The following MLIP variants were observed in gnomAD, a reference collection of about 807,000 sequenced individuals.
MLIP encodes muscular LMNA interacting protein, also known as muscular LMNA-interacting protein.
MLIP carries 79 observed loss-of-function variants against 84.8 expected under a neutral mutation model. The observed-to-expected ratio is 0.93, with a 90% CI of 0.78 to 1.12. The LOEUF is 1.12. MLIP is among the 50% of genes most tolerant of loss of function. The pLI, the probability that MLIP is intolerant of heterozygous loss-of-function variation, is 0.00. For synonymous variants in MLIP, 504 were observed against 463.0 expected (o/e 1.09, Z -1.14); for missense variants, 1,257 against 1,160.6 (o/e 1.08, Z -1.21).
intron 8 of MLIP, among the ~76,000 whole-genome samples, chr6:54,165,295 C>T (rs1213099370): frequency 6.6e-6 from 1 of 151,902 alleles, no homozygotes; most frequent in African/African-American, 2.4e-5. Flanking sequence ...CTCCCTGCAC[C>T]TCTGCTTATG....
intron 9 of MLIP, among the ~76,000 whole-genome samples, chr6:54,178,892 GTAAATATCTA>G (rs1776572006): frequency 6.6e-6 from 1 of 152,182 alleles, no homozygotes; most frequent in African/African-American, 2.4e-5. Flanking sequence ...AAAATGTTCT[GTAAATATCTA>G]TTAGGTCTAT....
At chr6:54,105,643 T>G (rs1270247579) in intron 1 of MLIP, among the ~76,000 whole-genome samples, 1 of 152,062 alleles carries the variant, frequency 6.6e-6, no homozygotes, top group Non-Finnish European at 1.5e-5. Context: ...AAAAATAACA[T>G]GGGCTAAGAC....
chr6:54,183,009 A>G (rs1005003930), intron 9 of MLIP, among the ~76,000 whole-genome samples: 3 of 152,222 alleles, frequency 2.0e-5, no homozygotes, highest in African/African-American at 7.2e-5. Context: ...GAAAAATGTC[A>G]TTACAATGGA....
intron 13 of MLIP, among the ~76,000 whole-genome samples, chr6:54,265,165 C>A: frequency 6.6e-6 from 1 of 152,076 alleles, no homozygotes; most frequent in East Asian, 1.9e-4. Flanking sequence ...CTGGTCAGTT[C>A]CTCCATTGGT....
chr6:54,230,113 G>T (rs1780879481), intron 11 of MLIP, among the ~76,000 whole-genome samples: 1 of 152,110 alleles, frequency 6.6e-6, no homozygotes, highest in South Asian at 2.1e-4. Flanking sequence ...TGCACCACCA[G>T]TTTCTCTCCA....
chr6:54,201,170 C>T (rs887185706), intron 10 of MLIP, among the ~76,000 whole-genome samples: 1 of 152,182 alleles, frequency 6.6e-6, no homozygotes, highest in Non-Finnish European at 1.5e-5. Flanking sequence ...AACTAGAGTT[C>T]TCCTGCCTCT....
chr6:54,094,783 T>A (rs1201485615), intron 1 of MLIP, among the ~76,000 whole-genome samples: 1 of 152,090 alleles, frequency 6.6e-6, no homozygotes, highest in African/African-American at 2.4e-5. Context: ...ACTCAGAAAC[T>A]TAGCATCTGT....
At chr6:54,023,301 G>T (rs911677307) in intron 1 of MLIP, among the ~76,000 whole-genome samples, 1 of 151,596 alleles carries the variant, frequency 6.6e-6, no homozygotes, top group African/African-American at 2.4e-5. Context: ...TTGCTACCTT[G>T]AGTAAAAAAG....
At chr6:54,071,352 A>C (rs1766475888) in intron 1 of MLIP, among the ~76,000 whole-genome samples, 1 of 152,152 alleles carries the variant, frequency 6.6e-6, no homozygotes, top group African/African-American at 2.4e-5. Flanking sequence ...AGTTATCTTC[A>C]TAGGCTATAT....
At chr6:54,189,986 GA>G (rs1777758820) in intron 10 of MLIP, 72 bp downstream of exon 10, 4 of 995,534 alleles carry the variant, frequency 4.0e-6, no homozygotes, top group South Asian at 1.5e-5. Context: ...GAGTAAAAGT[GA>G]AAAAAAGAAT....
At chr6:54,255,011 G>A (rs944975561) in intron 12 of MLIP, among the ~76,000 whole-genome samples, 1 of 151,970 alleles carries the variant, frequency 6.6e-6, no homozygotes, top group African/African-American at 2.4e-5. Flanking sequence ...CCATTATACT[G>A]TGTCTCTTGT....
chr6:54,180,629 T>C (rs1776756998), intron 9 of MLIP, among the ~76,000 whole-genome samples: 1 of 152,248 alleles, frequency 6.6e-6, no homozygotes, highest in South Asian at 2.1e-4. Context: ...AGGACTCTGA[T>C]GCATTCTGCA....
intron 11 of MLIP, among the ~76,000 whole-genome samples, chr6:54,220,712 A>G (rs1780159570): frequency 6.6e-6 from 1 of 152,216 alleles, no homozygotes; most frequent in African/African-American, 2.4e-5. Context: ...TTTGAAATAT[A>G]TGAAATACAC....
At chr6:54,089,139 A>T (rs558340815) in intron 1 of MLIP, among the ~76,000 whole-genome samples, 1 of 152,178 alleles carries the variant, frequency 6.6e-6, no homozygotes, top group Non-Finnish European at 1.5e-5. Flanking sequence ...TGTGAGTTTC[A>T]GTTGAATTGA....
intron 10 of MLIP, among the ~76,000 whole-genome samples, chr6:54,199,328 G>C (rs1778513809): frequency 6.6e-6 from 1 of 152,056 alleles, no homozygotes; most frequent in Admixed American, 6.6e-5. Context: ...TTAACTGCAT[G>C]ACTTTGGCAT....
At chr6:54,050,879 T>G (rs1395243483) in intron 1 of MLIP, among the ~76,000 whole-genome samples, 1 of 152,304 alleles carries the variant, frequency 6.6e-6, no homozygotes, top group East Asian at 1.9e-4. Flanking sequence ...TTTTATACGC[T>G]TATCTTTCAC....
chr6:54,068,277 C>T (rs1766316398), intron 1 of MLIP, among the ~76,000 whole-genome samples: 1 of 97,108 alleles, frequency 1.0e-5, no homozygotes, highest in Admixed American at 9.8e-5. Context: ...GCTGGGATTA[C>T]AGGAACCGAC....
intron 9 of MLIP, among the ~76,000 whole-genome samples, chr6:54,173,837 A>G (rs1222620750): frequency 2.0e-5 from 3 of 151,352 alleles, no homozygotes; most frequent in Middle Eastern, 3.4e-3. Flanking sequence ...AATTCTTTCT[A>G]TTTTTTTTGT....
At chr6:54,263,302 C>G (rs72964051) in intron 13 of MLIP, among the ~76,000 whole-genome samples, 3,353 of 152,122 alleles carry the variant, frequency 0.022, 49 homozygotes, top group Middle Eastern at 0.051. Flanking sequence ...ATCTATGAGG[C>G]TGCCTTTATA....
Sources: allele counts gnomAD v4.1 joint callset (sites outside exome capture counted in the v4.1 genomes callset), GRCh38; gene constraint gnomAD v4.1.1; transcripts MANE v1.5; gene names NCBI Gene and HGNC (gene_info 2026-07-23, HGNC 2026-07-21).